Variants in ANKIB1 observed in about 807,000 individuals in gnomAD.
The protein encoded by ANKIB1 is ankyrin repeat and IBR domain containing 1.
In ANKIB1, 43 loss-of-function variants were observed where a neutral mutation model predicts 122.1. The ratio of observed to expected loss-of-function variants is 0.35; its 90% CI spans 0.28 to 0.45. The LOEUF is 0.45. ANKIB1 is among the 20% of genes least tolerant of loss of function. ANKIB1 has a pLI of 1.00. For missense variants in ANKIB1, 992 were observed against 1,329.5 expected (o/e 0.75, Z 3.95); for synonymous variants, 390 against 442.0 (o/e 0.88, Z 1.48).
At chr7:92,357,985 G>A (rs1444431795) in intron 9 of ANKIB1, among the ~76,000 whole-genome samples, 3 of 152,124 alleles carry the variant, frequency 2.0e-5, no homozygotes, top group Non-Finnish European at 2.9e-5. Context: ...GCTCACGCCT[G>A]TAATCCCAGC....
At chr7:92,280,574 C>A (rs1801995657) in intron 1 of ANKIB1, among the ~76,000 whole-genome samples, 2 of 151,518 alleles carry the variant, frequency 1.3e-5, no homozygotes, top group Middle Eastern at 6.8e-3. Context: ...TTTGCCCACT[C>A]AGTGCTCACT....
At chr7:92,362,716 G>A (rs1244088266) in intron 10 of ANKIB1, among the ~76,000 whole-genome samples, 3 of 152,170 alleles carry the variant, frequency 2.0e-5, no homozygotes, top group African/African-American at 7.2e-5. Context: ...ATTTACTGAT[G>A]TTAAATACCA....
At chr7:92,251,059 A>G (rs1422524739) in intron 1 of ANKIB1, among the ~76,000 whole-genome samples, 1 of 152,188 alleles carries the variant, frequency 6.6e-6, no homozygotes, top group East Asian at 1.9e-4. Context: ...TATAATTTTA[A>G]CTTAACATAG....
intron 10 of ANKIB1, among the ~76,000 whole-genome samples, chr7:92,366,571 A>G (rs1804088454): frequency 6.6e-6 from 1 of 152,210 alleles, no homozygotes; most frequent in Non-Finnish European, 1.5e-5. Flanking sequence ...CTGGTAGAAC[A>G]AATCTCAGGT....
chr7:92,346,389 C>G (rs1265314759), intron 7 of ANKIB1, among the ~76,000 whole-genome samples: 1 of 152,114 alleles, frequency 6.6e-6, no homozygotes, highest in Non-Finnish European at 1.5e-5. Context: ...CCTCAGTCCC[C>G]CAACGTGTCT....
rs565602194 is a variant in ANKIB1, at chr7:92,258,957, T to G, written c.-91+12438T>G. On this transcript the variant is annotated intron_variant, in intron 1 of 19. Transcript: ENST00000265742. ...TTTTGGAGTTTTTTTTGTTTTGTTT[T>G]GTTTTGTTTTTTTTGAGACAGAGTC... Among the ~76,000 whole-genome samples, 47 of 152,218 alleles carry G rather than the reference T, an allele frequency of 3.1e-4. No homozygotes were observed. The South Asian group carries it at 9.5e-3, about 31-fold the overall frequency.
intron 10 of ANKIB1, 30 bp from the exon 11 acceptor site, chr7:92,371,447 A>T: frequency 6.3e-7 from 1 of 1,582,378 alleles, no homozygotes; most frequent in Non-Finnish European, 8.6e-7. Context: ...TAAATCATTT[A>T]TTTTTGTGAT....
At chr7:92,388,186 G>T in intron 14 of ANKIB1, 145 bp downstream of exon 14, 1 of 752,792 alleles carries the variant, frequency 1.3e-6, no homozygotes. Context: ...AGCCCTGAGT[G>T]CAGCTTAGCA....
At chr7:92,356,268 C>T (rs1803811786) in intron 9 of ANKIB1, among the ~76,000 whole-genome samples, 1 of 152,114 alleles carries the variant, frequency 6.6e-6, no homozygotes, top group African/African-American at 2.4e-5. Context: ...TATGTGTAGA[C>T]CTAATAATTG....
chr7:92,307,206 G>C (rs1417108256), intron 2 of ANKIB1, among the ~76,000 whole-genome samples, 153 bp from the exon 3 acceptor site: 1 of 152,160 alleles, frequency 6.6e-6, no homozygotes, highest in African/African-American at 2.4e-5. Context: ...CTAAGAATTA[G>C]TCATTCAAGC....
At chr7:92,301,391 A>G (rs1257690316) in intron 2 of ANKIB1, among the ~76,000 whole-genome samples, 1 of 151,900 alleles carries the variant, frequency 6.6e-6, no homozygotes, top group Non-Finnish European at 1.5e-5. Context: ...GCAAACAGGT[A>G]TAAGGTGATA....
chr7:92,246,512 A>AT lies in ANKIB1; in HGVS notation c.-98_-97insT. ...CACCGACCCTTACCCTCAGCGAGAG[A>AT]AGTAACCGTAAGTCTCAGCTTCGCG... is the stretch of plus-strand genomic sequence containing the variant. On this transcript the variant is annotated 5_prime_UTR_variant, in exon 1 of 20. Coordinates refer to ENST00000265742, the MANE Select transcript of ANKIB1 (RefSeq NM_019004.2). The AT allele has an allele frequency of 1.9e-6, 1 of 518,350 alleles. No individual in the cohort carries two copies. The highest frequency in any genetic ancestry group is 3.8e-6 in the Non-Finnish European group (1 of 259,792). The allele number at this position is 518,350 out of a possible 1,614,324, so 32.1% of individuals were successfully genotyped here.
chr7:92,354,338 C>T (rs1803737342), intron 9 of ANKIB1, among the ~76,000 whole-genome samples: 4 of 152,082 alleles, frequency 2.6e-5, no homozygotes, highest in African/African-American at 4.8e-5. Flanking sequence ...AGACTATATA[C>T]CAAGATCACG....
intron 1 of ANKIB1, among the ~76,000 whole-genome samples, chr7:92,264,891 A>G (rs1384512131): frequency 3.3e-5 from 5 of 152,242 alleles, no homozygotes; most frequent in South Asian, 4.1e-4. Flanking sequence ...GAAGGGATAC[A>G]TAGATTCAGT....
chr7:92,300,723 T>C (rs992771893), intron 2 of ANKIB1, among the ~76,000 whole-genome samples: 2 of 152,148 alleles, frequency 1.3e-5, no homozygotes, highest in African/African-American at 4.8e-5. Flanking sequence ...ACTTAAATTA[T>C]ACTTTTGTAG....
intron 5 of ANKIB1, among the ~76,000 whole-genome samples, chr7:92,331,902 G>T (rs558842835): frequency 6.7e-6 from 1 of 148,906 alleles, no homozygotes; most frequent in Non-Finnish European, 1.5e-5. Flanking sequence ...TTAAGCTATA[G>T]TATCATATAG....
chr7:92,391,545 A>G lies in ANKIB1; in HGVS notation c.2231+201A>G, dbSNP rs568090862. Among the ~76,000 whole-genome samples the G allele has an allele frequency of 9.5e-5, 14 of 147,574 alleles. No individual in the cohort carries two copies. The South Asian group carries it at 3.0e-3, about 31-fold the overall frequency. ...CTGTTTTTCTTGTTATTTTTTGTTT[A>G]TTTATCATTGTGTAGCTCCTTAGAC... is the stretch of plus-strand genomic sequence containing the variant. On this transcript the variant is annotated intron_variant, in intron 16 of 19. Transcript: ENST00000265742.
At chr7:92,338,933 A>AAATATATATATAT (rs1562786305) in intron 5 of ANKIB1, among the ~76,000 whole-genome samples, 1 of 21,918 alleles carries the variant, frequency 4.6e-5, no homozygotes, top group African/African-American at 1.8e-4. Flanking sequence ...AAAAAAAAAA[A>AAATATATATATAT]ATATATATAT....
intron 1 of ANKIB1, among the ~76,000 whole-genome samples, chr7:92,249,880 A>G (rs770646098): frequency 3.3e-5 from 5 of 152,196 alleles, no homozygotes; most frequent in Non-Finnish European, 5.9e-5. Flanking sequence ...CCACACGCGA[A>G]TAAACTAAAC....
Sources: gnomAD v4.1 joint callset for allele counts (sites outside exome capture counted in the v4.1 genomes callset) on GRCh38, gnomAD v4.1.1 for gene constraint, MANE v1.5 for transcripts, NCBI Gene and HGNC (gene_info 2026-07-23, HGNC 2026-07-21) for gene names.